Variants in RPS27A observed in about 807,000 individuals in gnomAD.
RPS27A encodes ubiquitin-ribosomal protein eS31 fusion protein.
In RPS27A, 1 loss-of-function variant was observed where a neutral mutation model predicts 18.9. The observed-to-expected ratio is 0.05, with a 90% CI of 0.02 to 0.25. The LOEUF (loss-of-function observed/expected upper bound fraction) is 0.25. Ranked by LOEUF, RPS27A falls within the 10% of genes least tolerant of loss-of-function variation. The pLI, the probability that RPS27A is intolerant of heterozygous loss-of-function variation, is 1.00. For missense variants in RPS27A, 123 were observed against 187.4 expected (o/e 0.66, Z 2.01); for synonymous variants, 77 against 63.7 (o/e 1.21, Z -0.99).
In RPS27A at chr2:55,235,262, G is replaced by A. The variant is rs1197251077; in HGVS notation, c.322-166G>A. The A allele has an allele frequency of 8.5e-6, 7 of 825,816 alleles. No homozygotes were observed. The African/African-American group carries it at 1.2e-4, about 14-fold the overall frequency. The allele number at this position is 825,816 out of a possible 1,614,324, so 51.2% of individuals were successfully genotyped here. ...TTCAAAAGTCCCAAGACTTCTGAAT[G>A]TTTTCATTGTAGCAATGATAACTGG... is the stretch of plus-strand genomic sequence containing the variant. On this transcript the variant is annotated intron_variant, in intron 5 of 5. Coordinates refer to ENST00000272317, the MANE Select transcript of RPS27A (RefSeq NM_002954.6).
Position 55,232,715 on chromosome 2 carries a change from G to T in RPS27A, c.-18+7G>T. ...TTTCGATCCGCCATCTGCGGTGGGT[G>T]TCTGCACTTCGGCTGCTCTCGGGTT... On this transcript the variant is annotated splice_region_variant and intron_variant, in intron 1 of 5. Coordinates refer to ENST00000272317, the MANE Select transcript of RPS27A (RefSeq NM_002954.6). The T allele has an allele frequency of 1.0e-6, 1 of 958,076 alleles. No homozygotes were observed. Among genetic ancestry groups the T allele is most frequent in the African/African-American group, 1.6e-5 (1 of 62,246 alleles). 59.3% of individuals were successfully genotyped at this position (958,076 alleles called of 1,614,324 possible).
In RPS27A at chr2:55,234,814, C is replaced by T. The variant is rs764447753; in HGVS notation, c.190-17C>T. Reference sequence around the variant, plus strand: ...TTAGTGGAATCATGAAAGCTTGCTTCATTCTTCCATTAACAGGAGTCTACT... The same window carrying T: ...TTAGTGGAATCATGAAAGCTTGCTTTATTCTTCCATTAACAGGAGTCTACT... On this transcript the variant is annotated splice_polypyrimidine_tract_variant and intron_variant, in intron 4 of 5. Coordinates refer to ENST00000272317, the MANE Select transcript of RPS27A (RefSeq NM_002954.6). The T allele has an allele frequency of 8.1e-6, 13 of 1,611,636 alleles. No homozygotes were observed. Among genetic ancestry groups the T allele is most frequent in the African/African-American group, 2.7e-5 (2 of 74,842 alleles).
At chr2:55,232,981 T>C in intron 2 of RPS27A, 109 bp downstream of exon 2, 1 of 954,648 alleles carries the variant, frequency 1.0e-6, no homozygotes, top group Non-Finnish European at 1.7e-6. Flanking sequence ...GAATTTGGGT[T>C]CTAAAACTTA....
chr2:55,233,172 G>C, intron 2 of RPS27A, 191 bp from the exon 3 acceptor site: 1 of 672,130 alleles, frequency 1.5e-6, no homozygotes, highest in Non-Finnish European at 2.7e-6. Flanking sequence ...GCCGCCGCCC[G>C]CTCTGGGCTG....
chr2:55,234,840 C>G lies in RPS27A; in HGVS notation c.199C>G (p.Leu67Val), dbSNP rs1407397994. The change falls in exon 5 of 6, where the codon CTT (leucine) becomes GTT (valine). Residue 67 changes from leucine to valine, a missense_variant. This residue lies in a region of RPS27A where 57 missense variants were observed against 114.8 expected (regional missense o/e 0.50). Coordinates refer to ENST00000272317, the MANE Select transcript of RPS27A (RefSeq NM_002954.6). ...SDYNIQKEST[L>V]HLVLRLRGGA... ...ATTCTTCCATTAACAGGAGTCTACT[C>G]TTCATCTTGTGTTGAGACTTCGTGG... 9 of 1,612,180 alleles carry G rather than the reference C, an allele frequency of 5.6e-6. No individual in the cohort carries two copies. Among genetic ancestry groups the G allele is most frequent in the Admixed American group, 1.7e-5 (1 of 59,998 alleles).
intron 5 of RPS27A, 86 bp downstream of exon 5, chr2:55,235,048 G>C: frequency 1.4e-6 from 2 of 1,418,514 alleles, no homozygotes; most frequent in East Asian, 4.8e-5. Context: ...ATATTTTCTT[G>C]GACTTAAACA....
chr2:55,234,759 G>C (rs1675707159), intron 4 of RPS27A, 72 bp from the exon 5 acceptor site: 1 of 1,569,142 alleles, frequency 6.4e-7, no homozygotes, highest in Admixed American at 1.7e-5. Context: ...CTTTTAATTA[G>C]AAAATGCATA....
Position 55,235,674 on chromosome 2 carries a change from A to G in RPS27A, c.*97A>G. On this transcript the variant is annotated 3_prime_UTR_variant, in exon 6 of 6. Coordinates refer to ENST00000272317, the MANE Select transcript of RPS27A (RefSeq NM_002954.6). ...TAAGCACCAAATTGATGGTCACACC[A>G]TTTCCTTTTAGTAGTGCTACTGCTA... The G allele has an allele frequency of 1.5e-6, 2 of 1,372,840 alleles. No homozygotes were observed. The highest frequency in any genetic ancestry group is 1.2e-5 in the South Asian group (1 of 85,608). 85.0% of individuals were successfully genotyped at this position (1,372,840 alleles called of 1,614,324 possible).
intron 3 of RPS27A, 105 bp downstream of exon 3, chr2:55,233,522 G>C: frequency 1.3e-6 from 1 of 794,318 alleles, no homozygotes; most frequent in Non-Finnish European, 2.2e-6. Context: ...GGGTCAGATT[G>C]ACAAAGCGAA....
intron 3 of RPS27A, 62 bp from the exon 4 acceptor site, chr2:55,234,057 T>A (rs540941025): frequency 2.8e-6 from 3 of 1,062,298 alleles, no homozygotes; most frequent in Non-Finnish European, 3.0e-6. Flanking sequence ...TGTTACCTTA[T>A]AAGTCTGGAG....
intron 4 of RPS27A, 41 bp from the exon 5 acceptor site, chr2:55,234,790 T>C: frequency 6.2e-7 from 1 of 1,610,834 alleles, no homozygotes. Flanking sequence ...TGCCCATTCT[T>C]AGTGGAATCA....
chr2:55,233,583 T>A, intron 3 of RPS27A, 166 bp downstream of exon 3: 1 of 658,690 alleles, frequency 1.5e-6, no homozygotes, highest in Non-Finnish European at 2.8e-6. Flanking sequence ...GCACAGTACC[T>A]AGATTGGAAT....
chr2:55,234,993 A>C, intron 5 of RPS27A, 31 bp downstream of exon 5: 1 of 1,610,698 alleles, frequency 6.2e-7, no homozygotes, highest in African/African-American at 1.3e-5. Context: ...AATGTCAGCA[A>C]AGTCTTGGCT....
Position 55,235,702 on chromosome 2 carries a change from G to T in RPS27A, c.*125G>T, listed in dbSNP as rs571763925. 10 of 1,109,148 alleles carry T rather than the reference G, an allele frequency of 9.0e-6. No homozygotes were observed. Among genetic ancestry groups the T allele is most frequent in the East Asian group, 2.4e-5 (1 of 41,158 alleles). 68.7% of individuals were successfully genotyped at this position (1,109,148 alleles called of 1,614,324 possible). On this transcript the variant is annotated 3_prime_UTR_variant, in exon 6 of 6. Transcript: ENST00000272317. ...TCCTTTTAGTAGTGCTACTGCTATC[G>T]CTGTGTGAATGTTGCCTCTGGGGAT...
At position 55,233,115 on chromosome 2, in the gene RPS27A, G is replaced by A. The variant is rs559453539; in HGVS notation, c.48+243G>A. On this transcript the variant is annotated intron_variant, in intron 2 of 5. Transcript: ENST00000272317. Reference sequence around the variant, plus strand: ...AGTTAAAACGGAGGAGCTGCGGTGGGGAAGGAGACGCTCTGCCCGCCGGGT... The same window carrying A: ...AGTTAAAACGGAGGAGCTGCGGTGGAGAAGGAGACGCTCTGCCCGCCGGGT... 4.7e-5 allele frequency: 30 copies of A among 637,828 alleles called. 1 individual carries two copies. In the South Asian group the frequency reaches 5.0e-4, roughly 11 times the overall value. The allele number at this position is 637,828 out of a possible 1,614,324, so 39.5% of individuals were successfully genotyped here.
In RPS27A at chr2:55,232,703, T is replaced by C. The variant is rs1675528129; in HGVS notation, c.-23T>C. ...GGCGTTCTTCCTTTTCGATCCGCCA[T>C]CTGCGGTGGGTGTCTGCACTTCGGC... On this transcript the variant is annotated 5_prime_UTR_variant, in exon 1 of 6. Transcript: ENST00000272317. 1.1e-6 allele frequency: 1 copy of C among 884,296 alleles called. No individual in the cohort carries two copies. The highest frequency in any genetic ancestry group is 1.7e-5 in the African/African-American group (1 of 60,450). 54.8% of individuals were successfully genotyped at this position (884,296 alleles called of 1,614,324 possible). A position where few individuals can be genotyped will look rare whatever the true frequency, so the allele number is the denominator to read the frequency against.
At chr2:55,234,521 CA>C in intron 4 of RPS27A, 1 of 544,774 alleles carries the variant, frequency 1.8e-6, no homozygotes, top group African/African-American at 1.9e-5. Context: ...TTTTGACACA[CA>C]AAAAGGGAAA....
At chr2:55,232,545 A>G, upstream of RPS27A, 1 of 544,802 alleles carries the variant, frequency 1.8e-6, no homozygotes, top group Non-Finnish European at 3.3e-6. Context: ...GGCTAGGGAG[A>G]GGAGAAACGA....
At chr2:55,233,488 A>T in intron 3 of RPS27A, 71 bp downstream of exon 3, 1 of 1,063,626 alleles carries the variant, frequency 9.4e-7, no homozygotes, top group Non-Finnish European at 1.5e-6. Flanking sequence ...TGCTAGACAT[A>T]CCTGCTCTTG....
Sources: allele counts gnomAD v4.1 joint callset, GRCh38; gene constraint gnomAD v4.1.1; regional missense constraint gnomAD v4.1.1; transcripts MANE v1.5; gene names NCBI Gene and HGNC (gene_info 2026-07-23, HGNC 2026-07-21).